Variants in TSPEAR observed in about 807,000 individuals in gnomAD.
TSPEAR encodes the protein thrombospondin type laminin G domain and EAR repeats, also known as thrombospondin-type laminin G domain and EAR repeat-containing protein.
In TSPEAR, 69 loss-of-function variants were observed where a neutral mutation model predicts 71.6. The ratio of observed to expected loss-of-function variants is 0.96; its 90% CI spans 0.79 to 1.18. TSPEAR has a LOEUF of 1.18. TSPEAR is among the 50% of genes most tolerant of loss of function. The pLI, the probability that TSPEAR is intolerant of heterozygous loss-of-function variation, is 0.00. For missense variants in TSPEAR, 971 were observed against 894.9 expected (o/e 1.09, Z -1.09); for synonymous variants, 402 against 387.2 (o/e 1.04, Z -0.45).
intron 2 of TSPEAR, among the ~76,000 whole-genome samples, chr21:44,543,853 A>T (rs1555917500): frequency 6.6e-6 from 1 of 152,226 alleles, no homozygotes; most frequent in African/African-American, 2.4e-5. Context: ...ATAATTTTCC[A>T]TTGTTTCCAG....
chr21:44,512,755 AT>A (rs2052428244), intron 9 of TSPEAR, among the ~76,000 whole-genome samples: 1 of 151,390 alleles, frequency 6.6e-6, no homozygotes. Context: ...TGGGGCGTGT[AT>A]TTGTTCCAGG....
chr21:44,706,429 ACACCCACGTGCG>A (rs1555952388), intron 1 of TSPEAR, among the ~76,000 whole-genome samples: 2 of 151,102 alleles, frequency 1.3e-5, no homozygotes, highest in South Asian at 2.1e-4. Context: ...ACGCGCGCAC[ACACCCACGTGCG>A]CACCCACATG....
chr21:44,503,942 AGGCTCTGG>A, intron 11 of TSPEAR, among the ~76,000 whole-genome samples: 1 of 134,360 alleles, frequency 7.4e-6, no homozygotes, highest in African/African-American at 3.0e-5. Flanking sequence ...GCGGGAAGCA[AGGCTCTGG>A]GAGGAGGCCG....
At chr21:44,655,762 A>G (rs1217446463) in intron 1 of TSPEAR, among the ~76,000 whole-genome samples, 1 of 152,048 alleles carries the variant, frequency 6.6e-6, no homozygotes, top group African/African-American at 2.4e-5. Flanking sequence ...ACAGCGCTTT[A>G]TTCTACGGTG....
chr21:44,676,378 G>A (rs797037692), intron 1 of TSPEAR: 63 of 1,122,738 alleles, frequency 5.6e-5, no homozygotes, highest in African/African-American at 4.0e-4. Context: ...TGGGACAGCA[G>A]GCATTTCTGC....
intron 1 of TSPEAR, chr21:44,702,798 C>CT (rs1411693580): frequency 8.1e-7 from 1 of 1,235,334 alleles, no homozygotes; most frequent in Non-Finnish European, 1.2e-6. Flanking sequence ...AGCCCAGCTA[C>CT]TGACGGGCAC....
intron 1 of TSPEAR, among the ~76,000 whole-genome samples, chr21:44,632,695 T>C (rs1159858462): frequency 3.3e-5 from 5 of 151,798 alleles, no homozygotes; most frequent in African/African-American, 7.3e-5. Context: ...CAAAAAAAAA[T>C]AGCTGAGTGT....
intron 9 of TSPEAR, among the ~76,000 whole-genome samples, chr21:44,514,896 A>C (rs1240090948): frequency 1.3e-5 from 2 of 152,144 alleles, no homozygotes; most frequent in African/African-American, 2.4e-5. Context: ...GGGGCTGCAA[A>C]GTCCTGCCAT....
At chr21:44,668,050 A>G (rs1555945228) in intron 1 of TSPEAR, among the ~76,000 whole-genome samples, 2 of 152,232 alleles carry the variant, frequency 1.3e-5, no homozygotes, top group African/African-American at 4.8e-5. Context: ...CAACTAGGCA[A>G]TTGTTTTTAA....
intron 1 of TSPEAR, among the ~76,000 whole-genome samples, chr21:44,674,275 G>A (rs73234822): frequency 0.013 from 1,939 of 145,906 alleles, 49 homozygotes; most frequent in Middle Eastern, 0.036. Flanking sequence ...ATACAAAGAA[G>A]TAACAAAACA....
chr21:44,682,054 A>G, intron 1 of TSPEAR: 1 of 1,614,014 alleles, frequency 6.2e-7, no homozygotes, highest in Non-Finnish European at 8.5e-7. Context: ...GGGATGTAAC[A>G]GGATGCCTGG....
chr21:44,691,094 C>A (rs531803664), intron 1 of TSPEAR, among the ~76,000 whole-genome samples: 1 of 151,990 alleles, frequency 6.6e-6, no homozygotes, highest in African/African-American at 2.4e-5. Flanking sequence ...CTCCTCTCCC[C>A]TTCTCTCCTC....
chr21:44,677,638 C>T, intron 1 of TSPEAR: 2 of 1,193,618 alleles, frequency 1.7e-6, no homozygotes, highest in South Asian at 2.5e-5. Flanking sequence ...TCATGCTGAA[C>T]CCCAGGGACC....
intron 8 of TSPEAR, 82 bp downstream of exon 8, chr21:44,525,571 A>C (rs1555914814): frequency 2.9e-6 from 4 of 1,390,946 alleles, no homozygotes; most frequent in African/African-American, 2.9e-5. Context: ...TTTTCTAATA[A>C]GATACACATT....
intron 1 of TSPEAR, chr21:44,697,807 G>A (rs1439735891): frequency 5.6e-6 from 9 of 1,612,710 alleles, no homozygotes; most frequent in Middle Eastern, 1.6e-4. Context: ...GCCGCCCTGT[G>A]TGCAGACCCG....
intron 1 of TSPEAR, among the ~76,000 whole-genome samples, chr21:44,694,974 G>A (rs1160313993): frequency 6.6e-6 from 1 of 152,206 alleles, no homozygotes; most frequent in African/African-American, 2.4e-5. Flanking sequence ...GGTCTCCCCT[G>A]GACTTGCCCC....
chr21:44,528,477 G>A lies in TSPEAR; in HGVS notation c.897C>T (p.Gly299=), dbSNP rs1444244564. Reference sequence around the variant, plus strand: ...CTGCTAACACGGAGACCCACTCGTTGCCAACACACAGATACAGGCCCTTCC... The same window carrying A: ...CTGCTAACACGGAGACCCACTCGTTACCAACACACAGATACAGGCCCTTCC... ...ASRKGLYLCV[G]NEWVSVLAAK... Residue 299 remains glycine (G), a synonymous_variant, in exon 6 of 12, where the codon GGC becomes GGT. Coordinates refer to ENST00000323084, the MANE Select transcript of TSPEAR (RefSeq NM_144991.3). The A allele has an allele frequency of 6.2e-7, 1 of 1,613,842 alleles. No individual in the cohort carries two copies. The highest frequency in any genetic ancestry group is 1.3e-5 in the African/African-American group (1 of 74,938).
Position 44,639,646 on chromosome 21 carries a change from G to A in TSPEAR, c.83-71641C>T, listed in dbSNP as rs1045499484. On this transcript the variant is annotated intron_variant, in intron 1 of 11. Transcript: ENST00000323084. ...GTTTTTGGGGCAGCTGGCAGGGGCCGAGCCTTCATCCTAGGTCTCCGGGGC... is the reference window on the plus strand; with the variant it reads ...GTTTTTGGGGCAGCTGGCAGGGGCCAAGCCTTCATCCTAGGTCTCCGGGGC... Among the ~76,000 whole-genome samples the A allele has an allele frequency of 7.2e-5, 11 of 152,216 alleles. No individual in the cohort carries two copies. In the South Asian group the frequency reaches 8.3e-4, roughly 11 times the overall value.
chr21:44,498,417 A>C lies in TSPEAR; in HGVS notation c.*1366T>G, dbSNP rs2051968472. The C allele has an allele frequency of 6.6e-6, 1 of 152,152 alleles. No homozygotes were observed. Among genetic ancestry groups the C allele is most frequent in the African/African-American group, 2.4e-5 (1 of 41,420 alleles). The allele number at this position is 152,152 out of a possible 1,614,324, so 9.4% of individuals were successfully genotyped here. On this transcript the variant is annotated 3_prime_UTR_variant, in exon 12 of 12. Transcript: ENST00000323084. ...AAGCCTTGCTGGCTGGACGGAGGGGAAGGAGGCTCTCGGCGACTGCCCCCA... is the reference window on the plus strand; with the variant it reads ...AAGCCTTGCTGGCTGGACGGAGGGGCAGGAGGCTCTCGGCGACTGCCCCCA...
Sources: allele counts gnomAD v4.1 joint callset (sites outside exome capture counted in the v4.1 genomes callset), GRCh38; gene constraint gnomAD v4.1.1; transcripts MANE v1.5; gene names NCBI Gene and HGNC (gene_info 2026-07-23, HGNC 2026-07-21).